The following NCKAP5 variants were observed in gnomAD, a reference collection of about 807,000 sequenced individuals.
The protein encoded by NCKAP5 is NCK associated protein 5, also known as nck-associated protein 5.
Under a neutral mutation model 167.0 loss-of-function variants are expected in NCKAP5, and 92 were observed. The observed-to-expected ratio is 0.55, with a 90% CI of 0.47 to 0.66. The LOEUF (loss-of-function observed/expected upper bound fraction) is 0.66. NCKAP5 is among the 30% of genes least tolerant of loss of function. The pLI is 0.00. For missense variants in NCKAP5, 2,378 were observed against 2,315.0 expected (o/e 1.03, Z -0.56); for synonymous variants, 891 against 877.4 (o/e 1.02, Z -0.27).
chr2:133,268,010 A>G (rs1428503215), intron 4 of NCKAP5, among the ~76,000 whole-genome samples: 1 of 152,250 alleles, frequency 6.6e-6, no homozygotes, highest in Non-Finnish European at 1.5e-5. Context: ...GAAATGTCCA[A>G]TTACCTTGAA....
At chr2:132,830,003 C>T (rs1053556487) in intron 11 of NCKAP5, among the ~76,000 whole-genome samples, 12 of 152,034 alleles carry the variant, frequency 7.9e-5, no homozygotes, top group Admixed American at 2.6e-4. Flanking sequence ...TGACTTTCCC[C>T]CTCTTAGATC....
chr2:132,929,503 A>G (rs1696193275), intron 8 of NCKAP5, among the ~76,000 whole-genome samples: 1 of 152,246 alleles, frequency 6.6e-6, no homozygotes, highest in African/African-American at 2.4e-5. Context: ...TCAGAATCTG[A>G]AAAGTATTTT....
intron 6 of NCKAP5, among the ~76,000 whole-genome samples, chr2:133,037,208 A>G (rs2079067171): frequency 6.6e-6 from 1 of 152,146 alleles, no homozygotes; most frequent in African/African-American, 2.4e-5. Context: ...CAATATCATT[A>G]AAATGTCCGT....
intron 5 of NCKAP5, among the ~76,000 whole-genome samples, chr2:133,192,008 T>C (rs1314566019): frequency 1.3e-5 from 2 of 151,878 alleles, no homozygotes; most frequent in Non-Finnish European, 1.5e-5. Context: ...ATGTGAAAAA[T>C]GAAGAATAAA....
At chr2:133,112,842 G>A (rs1014322739) in intron 6 of NCKAP5, among the ~76,000 whole-genome samples, 1 of 152,228 alleles carries the variant, frequency 6.6e-6, no homozygotes, top group African/African-American at 2.4e-5. Flanking sequence ...GGTCACCGTG[G>A]TGGAGCAGAC....
At chr2:133,140,063 A>C (rs2082940350) in intron 5 of NCKAP5, among the ~76,000 whole-genome samples, 2 of 152,092 alleles carry the variant, frequency 1.3e-5, no homozygotes, top group African/African-American at 4.8e-5. Context: ...TAAAAAGTCA[A>C]TGACTCATTC....
At chr2:133,465,698 A>C (rs1692528488) in intron 3 of NCKAP5, among the ~76,000 whole-genome samples, 2 of 152,080 alleles carry the variant, frequency 1.3e-5, no homozygotes, top group Non-Finnish European at 2.9e-5. Flanking sequence ...AATGATTGCC[A>C]TTCTAACTGG....
intron 2 of NCKAP5, among the ~76,000 whole-genome samples, chr2:133,552,520 T>G (rs1462659928): frequency 1.4e-5 from 2 of 141,590 alleles, no homozygotes; most frequent in African/African-American, 2.6e-5. Flanking sequence ...CCGCATATTC[T>G]CACTCATAGG....
the NCKAP5 span, among the ~76,000 whole-genome samples, chr2:133,602,416 C>T: frequency 1.3e-5 from 2 of 152,158 alleles, no homozygotes; most frequent in African/African-American, 2.4e-5. Context: ...GTAGACGCTG[C>T]TGAGTGCAGA....
At chr2:132,809,544 C>T (rs993827666) in intron 11 of NCKAP5, among the ~76,000 whole-genome samples, 7 of 152,148 alleles carry the variant, frequency 4.6e-5, no homozygotes, top group East Asian at 3.9e-4. Context: ...TTTTAACTGC[C>T]GATGCTTTAA....
Position 133,142,299 on chromosome 2 carries a change from AAC to A in NCKAP5, c.208-12190_208-12189del, listed in dbSNP as rs1283600503. ...CAGTCACCAGAGGAAGCAAATGGAA[AAC>A]ACAGTTTCACATGGTCTAAATACTA... is the stretch of plus-strand genomic sequence containing the variant. On this transcript the variant is annotated intron_variant, in intron 5 of 19. Transcript: ENST00000409261. Among the ~76,000 whole-genome samples the A allele has an allele frequency of 2.0e-5, 3 of 152,258 alleles. No individual in the cohort carries two copies. The East Asian group carries it at 5.8e-4, about 29-fold the overall frequency.
chr2:133,653,800 G>A, the NCKAP5 span, among the ~76,000 whole-genome samples: 1 of 152,154 alleles, frequency 6.6e-6, no homozygotes, highest in African/African-American at 2.4e-5. Flanking sequence ...GTGGAAATTA[G>A]CCTTTCTGTT....
At position 133,408,346 on chromosome 2, in the gene NCKAP5, A is replaced by G. The variant is rs368844413; in HGVS notation, c.70-105236T>C. 4.5e-4 allele frequency among the ~76,000 whole-genome samples: 68 copies of G among 152,254 alleles called. No individual in the cohort carries two copies. In the South Asian group the frequency reaches 0.014, roughly 32 times the overall value. Reference sequence around the variant, plus strand: ...CTTTTGCATTCACTTTGTGTGCAGCATATATGTTTTTTCAACTCTCTCCGA... The same window carrying G: ...CTTTTGCATTCACTTTGTGTGCAGCGTATATGTTTTTTCAACTCTCTCCGA... On this transcript the variant is annotated intron_variant, in intron 3 of 19. Coordinates refer to ENST00000409261, the MANE Select transcript of NCKAP5 (RefSeq NM_207363.3).
At chr2:133,439,874 G>C (rs1690724698) in intron 3 of NCKAP5, among the ~76,000 whole-genome samples, 2 of 152,188 alleles carry the variant, frequency 1.3e-5, no homozygotes, top group Admixed American at 6.5e-5. Flanking sequence ...AATATAACAA[G>C]TAAATTAGCA....
intron 2 of NCKAP5, among the ~76,000 whole-genome samples, chr2:133,526,183 G>GGAAGGAAA (rs1684859934): frequency 8.2e-6 from 1 of 121,436 alleles, no homozygotes; most frequent in Non-Finnish European, 1.7e-5. Flanking sequence ...AAGGAAGGAA[G>GGAAGGAAA]GAAGGAAGGA....
intron 5 of NCKAP5, among the ~76,000 whole-genome samples, chr2:133,160,698 C>G (rs755433825): frequency 7.9e-5 from 12 of 152,166 alleles, no homozygotes; most frequent in Non-Finnish European, 1.8e-4. Context: ...CAGACTGGCC[C>G]TTTTAGGTGC....
chr2:133,186,747 T>A (rs2084963896), intron 5 of NCKAP5, among the ~76,000 whole-genome samples: 1 of 152,024 alleles, frequency 6.6e-6, no homozygotes, highest in South Asian at 2.1e-4. Flanking sequence ...AGAGAGGTTT[T>A]CACAATACTC....
intron 16 of NCKAP5, among the ~76,000 whole-genome samples, 161 bp downstream of exon 16, chr2:132,773,655 T>C (rs568879386): frequency 9.8e-5 from 15 of 152,340 alleles, no homozygotes; most frequent in African/African-American, 3.6e-4. Flanking sequence ...ACTTATTTTA[T>C]GGTAACGTCC....
intron 19 of NCKAP5, among the ~76,000 whole-genome samples, chr2:132,695,540 T>C (rs549235355): frequency 6.8e-4 from 104 of 152,318 alleles, no homozygotes; most frequent in African/African-American, 2.5e-3. Context: ...AAATAAATGA[T>C]AGCTCCTGAG....
Sources: gnomAD v4.1 joint callset for allele counts (sites outside exome capture counted in the v4.1 genomes callset) on GRCh38, gnomAD v4.1.1 for gene constraint, MANE v1.5 for transcripts, NCBI Gene and HGNC (gene_info 2026-07-23, HGNC 2026-07-21) for gene names.